CNTN4: variants seen among roughly 807,000 people sequenced by gnomAD.
CNTN4 encodes contactin 4.
Under a neutral mutation model 122.5 loss-of-function variants are expected in CNTN4, and 77 were observed. The observed-to-expected ratio is 0.63, with a 90% CI of 0.52 to 0.76. The LOEUF (loss-of-function observed/expected upper bound fraction) is 0.76. Among genes scored for constraint, CNTN4 ranks in the 30% least tolerant of loss-of-function variants. CNTN4 has a pLI of 0.00. For synonymous variants in CNTN4, 512 were observed against 447.0 expected (o/e 1.15, Z -1.83); for missense variants, 1,256 against 1,259.1 (o/e 1.00, Z 0.04).
At chr3:2,381,087 C>A (rs1034095855) in intron 3 of CNTN4, among the ~76,000 whole-genome samples, 10 of 151,724 alleles carry the variant, frequency 6.6e-5, no homozygotes, top group African/African-American at 2.4e-4. Flanking sequence ...CTCACTGCAA[C>A]CTCTGCCTTC....
intron 14 of CNTN4, among the ~76,000 whole-genome samples, chr3:2,992,064 G>C (rs775151341): frequency 2.8e-4 from 42 of 152,148 alleles, no homozygotes; most frequent in Non-Finnish European, 5.4e-4. Context: ...GTTTCGGAGA[G>C]AGGCTGAAGA....
At chr3:2,598,135 G>T (rs2149715041) in intron 4 of CNTN4, among the ~76,000 whole-genome samples, 1 of 152,226 alleles carries the variant, frequency 6.6e-6, no homozygotes, top group African/African-American at 2.4e-5. Flanking sequence ...GCATCTTATT[G>T]CCTTTCTTCC....
At chr3:2,882,765 T>G in intron 8 of CNTN4, 1 of 214,430 alleles carries the variant, frequency 4.7e-6, no homozygotes, top group Non-Finnish European at 9.5e-6. Context: ...TTTGAGTACT[T>G]TTATTAATAA....
chr3:2,169,449 C>G (rs2036347080), intron 2 of CNTN4, among the ~76,000 whole-genome samples: 1 of 152,012 alleles, frequency 6.6e-6, no homozygotes, highest in Non-Finnish European at 1.5e-5. Context: ...CTCTGTCACT[C>G]AGGCTGGAGT....
chr3:2,552,712 G>T (rs2078561458), intron 3 of CNTN4, among the ~76,000 whole-genome samples: 1 of 152,276 alleles, frequency 6.6e-6, no homozygotes, highest in South Asian at 2.1e-4. Context: ...TAAAAGGCAG[G>T]TATGGGGTGG....
At chr3:2,393,009 G>A (rs534973985) in intron 3 of CNTN4, among the ~76,000 whole-genome samples, 118 of 152,220 alleles carry the variant, frequency 7.8e-4, no homozygotes, top group Admixed American at 4.5e-3. Context: ...GAAATTTATC[G>A]TCTTACATTT....
intron 4 of CNTN4, among the ~76,000 whole-genome samples, chr3:2,721,575 A>AG (rs2087855865): frequency 6.6e-6 from 1 of 152,170 alleles, no homozygotes; most frequent in Non-Finnish European, 1.5e-5. Flanking sequence ...CTGTGTGCAT[A>AG]TGTGAGTGTG....
chr3:2,762,937 C>CTCTT (rs1399955469), intron 6 of CNTN4, among the ~76,000 whole-genome samples: 2 of 96,472 alleles, frequency 2.1e-5, no homozygotes, highest in East Asian at 2.7e-4. Flanking sequence ...TGATGTCAAG[C>CTCTT]TTTTTTTTTT....
intron 2 of CNTN4, among the ~76,000 whole-genome samples, chr3:2,182,594 C>T (rs565270043): frequency 1.1e-4 from 16 of 152,172 alleles, no homozygotes; most frequent in African/African-American, 3.9e-4. Flanking sequence ...GTTGAATAAA[C>T]AGCTTATTGT....
chr3:2,573,017 T>C (rs2079493953), intron 4 of CNTN4, among the ~76,000 whole-genome samples: 3 of 152,192 alleles, frequency 2.0e-5, no homozygotes, highest in Non-Finnish European at 4.4e-5. Context: ...GTATTAACTA[T>C]GAATATTAAT....
chr3:2,429,270 T>A (rs2047965921), intron 3 of CNTN4, among the ~76,000 whole-genome samples: 1 of 152,222 alleles, frequency 6.6e-6, no homozygotes, highest in Non-Finnish European at 1.5e-5. Context: ...GTTGTGGATG[T>A]CCTTTCTGTT....
At chr3:2,226,091 T>A (rs1196289057) in intron 2 of CNTN4, among the ~76,000 whole-genome samples, 5 of 152,166 alleles carry the variant, frequency 3.3e-5, no homozygotes, top group African/African-American at 9.7e-5. Context: ...GGTAAAAGCA[T>A]TGTGTAGATA....
chr3:3,006,327 A>T (rs1696646591), intron 14 of CNTN4, among the ~76,000 whole-genome samples: 1 of 152,134 alleles, frequency 6.6e-6, no homozygotes, highest in Non-Finnish European at 1.5e-5. Flanking sequence ...GGCCCATATT[A>T]GGTGCTCTGT....
chr3:2,456,685 G>A (rs67890258), intron 3 of CNTN4, among the ~76,000 whole-genome samples: 75,222 of 151,940 alleles, frequency 0.5, 19,813 homozygotes, highest in East Asian at 0.77. Flanking sequence ...CCACATCGTA[G>A]CACCTGTCAG....
At chr3:3,036,072 G>A (rs1268550523) in intron 17 of CNTN4, among the ~76,000 whole-genome samples, 2 of 152,062 alleles carry the variant, frequency 1.3e-5, no homozygotes, top group African/African-American at 2.4e-5. Context: ...CACTCTGTCA[G>A]TACCTCCAAA....
chr3:2,336,624 A>G (rs776031139), intron 2 of CNTN4, among the ~76,000 whole-genome samples: 1 of 152,192 alleles, frequency 6.6e-6, no homozygotes, highest in Non-Finnish European at 1.5e-5. Flanking sequence ...ACTAGCTCAC[A>G]TAATAAGGGT....
intron 3 of CNTN4, among the ~76,000 whole-genome samples, chr3:2,341,574 G>C (rs983713730): frequency 6.6e-6 from 1 of 152,160 alleles, no homozygotes; most frequent in Non-Finnish European, 1.5e-5. Flanking sequence ...CTCTCATTTT[G>C]ATGATGCCCC....
intron 3 of CNTN4, among the ~76,000 whole-genome samples, chr3:2,521,343 T>TCGGCCCCCCCCCCCC (rs781282977): frequency 1.4e-4 from 18 of 128,304 alleles, no homozygotes; most frequent in African/African-American, 1.6e-4. Context: ...CCTCTACCCA[T>TCGGCCCCCCCCCCCC]CCCCCCCACC....
At chr3:2,210,384 A>G (rs1252578708) in intron 2 of CNTN4, among the ~76,000 whole-genome samples, 1 of 152,296 alleles carries the variant, frequency 6.6e-6, no homozygotes, top group East Asian at 1.9e-4. Context: ...ACGCTGCACC[A>G]TTCCCAATGT....
Sources: gnomAD v4.1 joint callset for allele counts (sites outside exome capture counted in the v4.1 genomes callset) on GRCh38, gnomAD v4.1.1 for gene constraint, MANE v1.5 for transcripts, NCBI Gene and HGNC (gene_info 2026-07-23, HGNC 2026-07-21) for gene names.